The following ABCG1 variants were observed in gnomAD, a reference collection of about 807,000 sequenced individuals.
The protein encoded by ABCG1 is ATP-binding cassette sub-family G member 1.
A neutral mutation model predicts 69.2 loss-of-function variants in ABCG1; 29 were observed. The ratio of observed to expected loss-of-function variants is 0.42; its 90% CI spans 0.31 to 0.57. The LOEUF (loss-of-function observed/expected upper bound fraction) is 0.57. Ranked by LOEUF, ABCG1 falls within the 20% of genes least tolerant of loss-of-function variation. The pLI, the probability that ABCG1 is intolerant of heterozygous loss-of-function variation, is 0.15. For missense variants in ABCG1, 718 were observed against 898.1 expected, an observed-to-expected ratio of 0.80 and a Z score of 2.56; for synonymous variants, 370 against 374.8, an observed-to-expected ratio of 0.99 and a Z score of 0.15.
chr21:42,224,344 T>C (rs1420835712), intron 1 of ABCG1, among the ~76,000 whole-genome samples: 3 of 152,168 alleles, frequency 2.0e-5, no homozygotes, highest in African/African-American at 7.2e-5. Context: ...CACAGGGGCA[T>C]TGGGACCAGC....
At chr21:42,294,391 C>T (rs924995863) in intron 13 of ABCG1, 151 bp from the exon 14 acceptor site, 21 of 690,118 alleles carry the variant, frequency 3.0e-5, no homozygotes, top group Admixed American at 6.3e-5. Context: ...ACCTCGGGAA[C>T]GCTGCACCTT....
Position 42,219,257 on chromosome 21 carries a change from CG to C in ABCG1, c.-2del, listed in dbSNP as rs755911805. The C allele has an allele frequency of 2.5e-5, 39 of 1,555,082 alleles. No individual in the cohort carries two copies. Among genetic ancestry groups the C allele is most frequent in the East Asian group, 2.0e-4 (8 of 39,570 alleles). On this transcript the variant is annotated 5_prime_UTR_variant, in exon 1 of 15. Transcript: ENST00000398449. This position sits in a 1 kb window ranked among gnomAD's most constrained non-coding sequence, Gnocchi z 5.3. ...CCGCCGCCGCCGCCGCCGCCGCCCC[CG>C]GGGCATGGCCTGTCTGATGGCCGCT...
chr21:42,278,542 C>T (rs2068750004), intron 5 of ABCG1, among the ~76,000 whole-genome samples: 2 of 152,144 alleles, frequency 1.3e-5, no homozygotes, highest in Non-Finnish European at 1.5e-5. Context: ...CCAGACACAC[C>T]AAGGGATGGC....
chr21:42,237,363 G>A (rs140843666), intron 2 of ABCG1, among the ~76,000 whole-genome samples: 16 of 152,312 alleles, frequency 1.1e-4, no homozygotes, highest in Admixed American at 7.2e-4. Context: ...TAGCATTTGT[G>A]CTTTCTTTGG....
Position 42,284,674 on chromosome 21 carries a change from G to A in ABCG1, c.849G>A (p.Leu283=), listed in dbSNP as rs139950936. The change falls in exon 7 of 15, where the codon CTG becomes CTA. Residue 283 remains leucine, a synonymous_variant. Transcript: ENST00000398449. The part of the protein sequence containing the change: ...IHQPSAKLFE[L]FDQLYVLSQG... The stretch of plus-strand genomic sequence containing the variant: ...AGCCCAGCGCCAAACTCTTCGAGCT[G>A]TTCGACCAGGTACGCGGGCCCCGGG... The A allele has an allele frequency of 1.2e-6, 2 of 1,613,160 alleles. No homozygotes were observed. The highest frequency in any genetic ancestry group is 2.2e-5 in the East Asian group (1 of 44,894).
chr21:42,294,978 C>A (rs371577165), intron 14 of ABCG1: 2 of 315,338 alleles, frequency 6.3e-6, no homozygotes, highest in Admixed American at 4.3e-5. Context: ...TCTTCCTCCC[C>A]GAAGTGCCGA....
intron 2 of ABCG1, among the ~76,000 whole-genome samples, chr21:42,251,160 C>G (rs1448474581): frequency 1.3e-5 from 2 of 152,150 alleles, no homozygotes; most frequent in Non-Finnish European, 2.9e-5. Flanking sequence ...TAGTTTGCCT[C>G]CAGGCCCTAC....
intron 2 of ABCG1, among the ~76,000 whole-genome samples, chr21:42,252,864 T>A (rs1037530501): frequency 1.3e-5 from 2 of 152,146 alleles, no homozygotes; most frequent in African/African-American, 4.8e-5. Context: ...CCCTCCTCCC[T>A]GACATCATCC....
At chr21:42,217,417 A>G (rs1326521597), upstream of ABCG1, among the ~76,000 whole-genome samples, 1 of 152,042 alleles carries the variant, frequency 6.6e-6, no homozygotes, top group African/African-American at 2.4e-5. Flanking sequence ...TCCTGGAGCG[A>G]GATGGGTCCC....
At chr21:42,252,944 G>A (rs900594031) in intron 2 of ABCG1, among the ~76,000 whole-genome samples, 1 of 152,160 alleles carries the variant, frequency 6.6e-6, no homozygotes, top group Admixed American at 6.5e-5. Flanking sequence ...ATAGCAGTGG[G>A]AAGAAGTTTC....
chr21:42,208,979 C>T (rs1370824451), intron 2 of ABCG1, among the ~76,000 whole-genome samples: 1 of 152,052 alleles, frequency 6.6e-6, no homozygotes, highest in Non-Finnish European at 1.5e-5. Context: ...AGCTGGGGTT[C>T]TGGGGGAGGG....
intron 2 of ABCG1, among the ~76,000 whole-genome samples, chr21:42,267,741 CGGTGTGGTCTGGGTTCTGCCTG>C (rs1569227626): frequency 9.2e-5 from 5 of 54,298 alleles, no homozygotes; most frequent in Non-Finnish European, 1.8e-4. Flanking sequence ...GGTTCTGTCT[CGGTGTGGTCTGGGTTCTGCCTG>C]GGTGTGGTCT....
intron 1 of ABCG1, among the ~76,000 whole-genome samples, chr21:42,220,618 G>A (rs530317433): frequency 6.6e-5 from 10 of 152,394 alleles, no homozygotes; most frequent in Non-Finnish European, 4.4e-5. Flanking sequence ...GAGACCCGCA[G>A]GCTGACTCGC....
intron 2 of ABCG1, among the ~76,000 whole-genome samples, chr21:42,203,116 C>T (rs2123461409): frequency 6.6e-6 from 1 of 152,260 alleles, no homozygotes; most frequent in South Asian, 2.1e-4. Context: ...AGAACCTGGA[C>T]TTAAATTTTC....
intron 2 of ABCG1, among the ~76,000 whole-genome samples, chr21:42,269,992 G>A (rs1231110995): frequency 3.3e-5 from 5 of 152,220 alleles, no homozygotes; most frequent in South Asian, 2.1e-4. Context: ...TGGGCCGGGC[G>A]CGGTGGCTCA....
intron 2 of ABCG1, among the ~76,000 whole-genome samples, chr21:42,251,588 C>A (rs1225084446): frequency 6.6e-6 from 1 of 151,406 alleles, no homozygotes; most frequent in African/African-American, 2.4e-5. Flanking sequence ...GCGGCCAACG[C>A]ATGTTTGGGA....
rs879226979 is a variant in ABCG1, at chr21:42,276,847, C to T, written c.538-48C>T. 1.2e-6 allele frequency: 2 copies of T among 1,604,092 alleles called. No homozygotes were observed. Among genetic ancestry groups the T allele is most frequent in the South Asian group, 1.1e-5 (1 of 90,740 alleles). ...AGTGCGGGCATGAGGCTCACACTGC[C>T]AGTGGCCGTCTGTTCTGCTTCCACA... On this transcript the variant is annotated intron_variant, in intron 4 of 14. Transcript: ENST00000398449. The surrounding 1 kb of genome is among the most constrained non-coding windows in gnomAD (Gnocchi z 5.3).
At position 42,291,932 on chromosome 21, in the gene ABCG1, C is replaced by T. The variant is rs1190354543; in HGVS notation, c.1653+276C>T. On this transcript the variant is annotated intron_variant, in intron 13 of 14. Coordinates refer to ENST00000398449, the MANE Select transcript of ABCG1 (RefSeq NM_016818.3). This position sits in a 1 kb window ranked among gnomAD's most constrained non-coding sequence, Gnocchi z 6.4. The stretch of plus-strand genomic sequence containing the variant: ...GCTCCTGTAGCCCCAAGCACAGCCA[C>T]GCTTAGGTGCTGTGCTGGCCCCATT... 2.0e-5 allele frequency among the ~76,000 whole-genome samples: 3 copies of T among 152,162 alleles called. No homozygotes were observed. Among genetic ancestry groups the T allele is most frequent in the Non-Finnish European group, 4.4e-5 (3 of 68,008 alleles).
chr21:42,253,534 T>C (rs1228629237), intron 2 of ABCG1, among the ~76,000 whole-genome samples: 1 of 152,146 alleles, frequency 6.6e-6, no homozygotes, highest in African/African-American at 2.4e-5. Context: ...CACGATGCCA[T>C]TGGACCCCCA....
Sources: gnomAD v4.1 joint callset for allele counts (sites outside exome capture counted in the v4.1 genomes callset) on GRCh38, gnomAD v4.1.1 for gene constraint, Gnocchi (gnomAD v3.1) non-coding constraint, MANE v1.5 for transcripts, NCBI Gene and HGNC (gene_info 2026-07-23, HGNC 2026-07-21) for gene names.